Variants in ZNF131 observed in about 807,000 individuals in gnomAD.
ZNF131 encodes the protein zinc finger and BTB domain containing 35, also known as zinc finger protein 131.
In ZNF131, 7 loss-of-function variants were observed where a neutral mutation model predicts 60.0. The observed-to-expected ratio is 0.12, with a 90% CI of 0.07 to 0.22. ZNF131 has a LOEUF of 0.22. ZNF131 is among the 10% of genes least tolerant of loss of function. The pLI, the probability that ZNF131 is intolerant of heterozygous loss-of-function variation, is 1.00. For synonymous variants in ZNF131, 257 were observed against 253.2 expected (o/e 1.01, Z -0.14); for missense variants, 493 against 740.9 (o/e 0.67, Z 3.88).
At chr5:43,138,761 A>G (rs1746445834) in intron 3 of ZNF131, among the ~76,000 whole-genome samples, 1 of 152,198 alleles carries the variant, frequency 6.6e-6, no homozygotes, top group African/African-American at 2.4e-5. Context: ...AAATAGGAAA[A>G]TAATGTGAAG....
chr5:43,133,751 A>G (rs1469084873), intron 3 of ZNF131, among the ~76,000 whole-genome samples: 1 of 152,216 alleles, frequency 6.6e-6, no homozygotes, highest in Admixed American at 6.5e-5. Context: ...CTTGGTGATG[A>G]CCTTGAGCAG....
chr5:43,135,391 G>C (rs1047699971), intron 3 of ZNF131, among the ~76,000 whole-genome samples: 1 of 152,256 alleles, frequency 6.6e-6, no homozygotes, highest in South Asian at 2.1e-4. Context: ...TAAAGTAACT[G>C]GGAATAGGCT....
chr5:43,172,497 A>G (rs1751118754), intron 5 of ZNF131, among the ~76,000 whole-genome samples: 1 of 151,920 alleles, frequency 6.6e-6, no homozygotes, highest in Admixed American at 6.6e-5. Flanking sequence ...TGGCGCACAC[A>G]TTTGATCCCA....
chr5:43,123,126 A>G, intron 2 of ZNF131, 83 bp from the exon 3 acceptor site: 2 of 1,101,878 alleles, frequency 1.8e-6, no homozygotes, highest in Admixed American at 2.5e-5. Flanking sequence ...TTTGCTTTAT[A>G]TGATTTTTAA....
intron 4 of ZNF131, among the ~76,000 whole-genome samples, chr5:43,152,723 C>A (rs765488010): frequency 1.3e-5 from 2 of 152,186 alleles, no homozygotes; most frequent in African/African-American, 2.4e-5. Context: ...CCTCCCACCT[C>A]AGCCTCCCAA....
At chr5:43,122,614 C>G (rs77093598) in intron 2 of ZNF131, among the ~76,000 whole-genome samples, 3 of 152,072 alleles carry the variant, frequency 2.0e-5, no homozygotes, top group Non-Finnish European at 4.4e-5. Flanking sequence ...ACTCATACCC[C>G]CTTTGAGAAT....
At chr5:43,173,133 T>C (rs1345677779) in intron 5 of ZNF131, 185 bp from the exon 6 acceptor site, 1 of 522,020 alleles carries the variant, frequency 1.9e-6, no homozygotes, top group Non-Finnish European at 3.2e-6. Context: ...TATTAAATTT[T>C]ATTATTTTTG....
At chr5:43,152,898 C>T (rs1027931182) in intron 4 of ZNF131, among the ~76,000 whole-genome samples, 3 of 152,176 alleles carry the variant, frequency 2.0e-5, no homozygotes, top group Admixed American at 6.5e-5. Context: ...GTGTGAGCCA[C>T]CACACCCAGC....
chr5:43,142,874 G>A (rs1271030799), intron 4 of ZNF131, among the ~76,000 whole-genome samples: 4 of 151,708 alleles, frequency 2.6e-5, no homozygotes, highest in Non-Finnish European at 5.9e-5. Flanking sequence ...GTATTTCTTT[G>A]TAGAGACAGG....
At chr5:43,155,415 G>C (rs1617756) in intron 4 of ZNF131, among the ~76,000 whole-genome samples, 5 of 152,128 alleles carry the variant, frequency 3.3e-5, no homozygotes, top group Non-Finnish European at 7.4e-5. Context: ...GCTGTGTCAG[G>C]GTTCAGCAAG....
chr5:43,147,314 AC>A (rs1747724331), intron 4 of ZNF131, among the ~76,000 whole-genome samples: 1 of 152,034 alleles, frequency 6.6e-6, no homozygotes, highest in African/African-American at 2.4e-5. Flanking sequence ...CTCTTAGTAA[AC>A]ATCTACAAGT....
intron 5 of ZNF131, 73 bp downstream of exon 5, chr5:43,162,004 T>TAA: frequency 7.1e-7 from 1 of 1,408,110 alleles, no homozygotes; most frequent in Non-Finnish European, 9.5e-7. Context: ...AAATCCTTTT[T>TAA]AAAAAAATAG....
At chr5:43,138,910 T>A (rs1257287238) in intron 3 of ZNF131, among the ~76,000 whole-genome samples, 1 of 152,162 alleles carries the variant, frequency 6.6e-6, no homozygotes, top group Non-Finnish European at 1.5e-5. Context: ...AATAGCCAAT[T>A]CATATATTTG....
intron 4 of ZNF131, among the ~76,000 whole-genome samples, chr5:43,141,767 C>CA (rs371036667): frequency 0.39 from 51,067 of 132,122 alleles, 9,428 homozygotes; most frequent in East Asian, 0.65. Context: ...GACCCTGTCT[C>CA]AAAAAAAAAA....
intron 4 of ZNF131, among the ~76,000 whole-genome samples, chr5:43,149,326 G>A (rs1037888306): frequency 5.3e-5 from 8 of 151,966 alleles, no homozygotes; most frequent in African/African-American, 1.7e-4. Flanking sequence ...CGGCCAAGGC[G>A]GGTGGATCAA....
rs1293095345 is a variant in ZNF131 at position 43,175,168 on chromosome 5, T to TG, written c.*38dup. ...TGAATATATTTTTAAATTTACTTGT[T>TG]GGGTTTTTGAACTGATTATGGGCAG... On this transcript the variant is annotated 3_prime_UTR_variant, in exon 7 of 7. Coordinates refer to ENST00000682664, the MANE Select transcript of ZNF131 (RefSeq NM_001330707.2). 2 of 1,546,854 alleles carry TG rather than the reference T, an allele frequency of 1.3e-6. No homozygotes were observed. The highest frequency in any genetic ancestry group is 1.7e-6 in the Non-Finnish European group (2 of 1,149,170).
chr5:43,151,903 T>C (rs984816153), intron 4 of ZNF131, among the ~76,000 whole-genome samples: 2 of 152,138 alleles, frequency 1.3e-5, no homozygotes, highest in African/African-American at 2.4e-5. Context: ...TGATATAGCC[T>C]CCAATGTAGT....
intron 5 of ZNF131, among the ~76,000 whole-genome samples, chr5:43,163,200 A>C (rs1012479163): frequency 2.6e-5 from 4 of 151,864 alleles, no homozygotes; most frequent in African/African-American, 9.7e-5. Flanking sequence ...GGGTGGTCTC[A>C]AACTCCTGAC....
chr5:43,155,851 A>G (rs1323705066), intron 4 of ZNF131, among the ~76,000 whole-genome samples: 2 of 152,176 alleles, frequency 1.3e-5, no homozygotes, highest in Non-Finnish European at 2.9e-5. Flanking sequence ...GCTGGGGTTT[A>G]TCAGCAACCC....
Sources: gnomAD v4.1 joint callset for allele counts (sites outside exome capture counted in the v4.1 genomes callset) on GRCh38, gnomAD v4.1.1 for gene constraint, MANE v1.5 for transcripts, NCBI Gene and HGNC (gene_info 2026-07-23, HGNC 2026-07-21) for gene names.